The following SLC46A1 variants were observed in gnomAD, a reference collection of about 807,000 sequenced individuals.
The protein encoded by SLC46A1 is solute carrier family 46 member 1.
In SLC46A1, 17 loss-of-function variants were observed where a neutral mutation model predicts 32.1. That is an observed-to-expected ratio of 0.53 (90% CI 0.36 to 0.79). SLC46A1 has a LOEUF of 0.79. SLC46A1 is among the 30% of genes least tolerant of loss of function. The probability of loss-of-function intolerance (pLI) is 0.00; values close to 1 mark genes in which losing one functional copy is unlikely to be tolerated. For synonymous variants in SLC46A1, 240 were observed against 262.7 expected, an observed-to-expected ratio of 0.91 and a Z score of 0.84; for missense variants, 517 against 588.2, an observed-to-expected ratio of 0.88 and a Z score of 1.25.
rs781844965 is a variant in SLC46A1, at chr17:28,399,726, A to G, written c.1323-13T>C. The G allele has an allele frequency of 1.2e-6, 2 of 1,613,670 alleles. No individual in the cohort carries two copies. Among genetic ancestry groups the G allele is most frequent in the Non-Finnish European group, 1.7e-6 (2 of 1,179,646 alleles). On this transcript the variant is annotated splice_polypyrimidine_tract_variant and intron_variant, in intron 4 of 4. Coordinates refer to ENST00000612814, the MANE Select transcript of SLC46A1 (RefSeq NM_080669.6). ...CTTTTCCAGCATCCTGTGAGAGACC[A>G]GAGAGAGAGTTTGGATTTCATGTGG...
At position 28,396,443 on chromosome 17, in the gene SLC46A1, C is replaced by G. The variant is rs1321295162; in HGVS notation, c.*3213G>C. 1 of 820,878 alleles carries G rather than the reference C, an allele frequency of 1.2e-6. No individual in the cohort carries two copies. Among genetic ancestry groups the G allele is most frequent in the Non-Finnish European group, 1.9e-6 (1 of 529,440 alleles). 50.8% of individuals were successfully genotyped at this position (820,878 alleles called of 1,614,324 possible). The stretch of plus-strand genomic sequence containing the variant: ...TGTCCCCCACCCTCATGGCCCACCT[C>G]CAACCCACTTTCCTCAGTATCTGGA... On this transcript the variant is annotated 3_prime_UTR_variant, in exon 5 of 5. Transcript: ENST00000612814.
In SLC46A1 at chr17:28,400,674, A is replaced by G. The variant is rs1337596788; in HGVS notation, c.1258T>C (p.Phe420Leu). ...FNSLYPATLN[F>L]MKGFPFLLGA... ...AGGAGGAAGGGGAACCCCTTCATAA[A>G]GTTCAGAGTGGCTGGGTAGAGTGAG... Residue 420 changes from phenylalanine (F) to leucine (L), a missense_variant, in exon 4 of 5, where the codon TTT (phenylalanine) becomes CTT (leucine). Transcript: ENST00000612814. 4.3e-6 allele frequency: 7 copies of G among 1,613,514 alleles called. No individual in the cohort carries two copies. The African/African-American group carries it at 9.3e-5, about 22-fold the overall frequency.
intron 2 of SLC46A1, chr17:28,403,041 G>A (rs1427063873): frequency 6.6e-6 from 1 of 152,298 alleles, no homozygotes; most frequent in Admixed American, 6.5e-5. Context: ...GCAGAGACTG[G>A]TGATGGCCGC....
At chr17:28,402,615 G>A (rs368811296) in intron 2 of SLC46A1, 1 of 278,782 alleles carries the variant, frequency 3.6e-6, no homozygotes. Context: ...ACTTAGTAGG[G>A]ATATGGCAGG....
chr17:28,405,388 C>G lies in SLC46A1; in HGVS notation c.309G>C (p.Leu103=). 2 of 1,586,208 alleles carry G rather than the reference C, an allele frequency of 1.3e-6. No individual in the cohort carries two copies. Among genetic ancestry groups the G allele is most frequent in the Non-Finnish European group, 1.7e-6 (2 of 1,166,950 alleles). ...GFLVGLFSST[L]LGAWSDSVGR... ...CCACACTGTCGCTCCAAGCTCCCAG[C>G]AGGGTGGACGAGAAGAGCCCCACCA... Residue 103 remains leucine (L), a synonymous_variant, in exon 2 of 5, where the codon CTG becomes CTC. Transcript: ENST00000612814.
chr17:28,405,810 G>T, intron 1 of SLC46A1, 77 bp downstream of exon 1: 5 of 1,422,486 alleles, frequency 3.5e-6, no homozygotes, highest in Non-Finnish European at 3.8e-6. Flanking sequence ...CTACCATTAC[G>T]CAGGCCCCGC....
Position 28,396,405 on chromosome 17 carries a change from C to A in SLC46A1, c.*3251G>T. 1 of 1,197,548 alleles carries A rather than the reference C, an allele frequency of 8.4e-7. No individual in the cohort carries two copies. Among genetic ancestry groups the A allele is most frequent in the Non-Finnish European group, 1.2e-6 (1 of 838,066 alleles). 74.2% of individuals were successfully genotyped at this position (1,197,548 alleles called of 1,614,324 possible). On this transcript the variant is annotated 3_prime_UTR_variant, in exon 5 of 5. Transcript: ENST00000612814. ...AACCTGGGCTCTTCTTAGGAAATGG[C>A]TCTCCCTCCCCCTGTCCCCCACCCT...
intron 1 of SLC46A1, 200 bp downstream of exon 1, chr17:28,405,687 G>A: frequency 1.1e-6 from 1 of 952,340 alleles, no homozygotes; most frequent in Non-Finnish European, 1.5e-6. Flanking sequence ...TAACCTGCAA[G>A]GCCAGACTTT....
rs782680733 is a variant in SLC46A1 at position 28,405,265 on chromosome 17, G to A, written c.432C>T (p.Phe144=). 2 of 1,585,508 alleles carry A rather than the reference G, an allele frequency of 1.3e-6. No homozygotes were observed. The highest frequency in any genetic ancestry group is 2.3e-5 in the East Asian group (1 of 43,084). The stretch of plus-strand genomic sequence containing the variant: ...GGGCACAAAGGATGCGACCCAGCAC[G>A]AAGTAGCCGACGTGGAGCTGCAGCT... ...VVQLQLHVGY[F]VLGRILCALL... The change falls in exon 2 of 5, where the codon TTC becomes TTT. Residue 144 remains phenylalanine (F), a synonymous_variant. Transcript: ENST00000612814.
At position 28,405,478 on chromosome 17, in the gene SLC46A1, C is replaced by T. The variant is rs782720819; in HGVS notation, c.229-10G>A. On this transcript the variant is annotated splice_polypyrimidine_tract_variant and intron_variant, in intron 1 of 4. Transcript: ENST00000612814. ...TAAGGGTCTCCACTTCCTGTAGGGG[C>T]ACAATGACCAGGGTGCGGTTCCTCA... 1 of 1,595,820 alleles carries T rather than the reference C, an allele frequency of 6.3e-7. No homozygotes were observed. Among genetic ancestry groups the T allele is most frequent in the Non-Finnish European group, 8.5e-7 (1 of 1,172,876 alleles).
rs782511472 is a variant in SLC46A1 at position 28,405,336 on chromosome 17, A to G, written c.361T>C (p.Ser121Pro). 1 of 1,591,340 alleles carries G rather than the reference A, an allele frequency of 6.3e-7. No homozygotes were observed. Among genetic ancestry groups the G allele is most frequent in the South Asian group, 1.1e-5 (1 of 87,546 alleles). Reference protein sequence around the residue: ...VGRRPLLVLASLGLLLQALVS... With the variant: ...VGRRPLLVLAPLGLLLQALVS... ...AGGGCCTGGAGCAGCAGGCCCAGCGAGGCCAGCACTAGCAGCGGGCGGCGG... is the reference window on the plus strand; with the variant it reads ...AGGGCCTGGAGCAGCAGGCCCAGCGGGGCCAGCACTAGCAGCGGGCGGCGG... Residue 121 changes from serine to proline, a missense_variant, in exon 2 of 5, where the codon TCG (serine) becomes CCG (proline). By Grantham distance (74) the Ser-to-Pro change is moderately conservative (BLOSUM62 -1). Coordinates refer to ENST00000612814, the MANE Select transcript of SLC46A1 (RefSeq NM_080669.6).
chr17:28,396,171 A>G lies in SLC46A1; in HGVS notation c.*3485T>C. 2.5e-6 allele frequency: 4 copies of G among 1,613,960 alleles called. No homozygotes were observed. The highest frequency in any genetic ancestry group is 3.4e-6 in the Non-Finnish European group (4 of 1,179,858). On this transcript the variant is annotated 3_prime_UTR_variant, in exon 5 of 5. Transcript: ENST00000612814. Reference sequence around the variant, plus strand: ...TGTGCCCACAGGTGGTCCCACGAATACCAGGAGGCCACCATTGAGAAGATC... The same window carrying G: ...TGTGCCCACAGGTGGTCCCACGAATGCCAGGAGGCCACCATTGAGAAGATC...
rs1432033321 is a variant in SLC46A1 at position 28,405,054 on chromosome 17, C to T, written c.643G>A (p.Ala215Thr). Reference sequence around the variant, plus strand: ...GTCATGGCTATCAGCAAGGCCAAGGCCAGCCAGAAGGGGTTGGCATAACCC... The same window carrying T: ...GTCATGGCTATCAGCAAGGCCAAGGTCAGCCAGAAGGGGTTGGCATAACCC... Reference protein sequence around the residue: ...AQGYANPFWLALALLIAMTLY... With the variant: ...AQGYANPFWLTLALLIAMTLY... Residue 215 changes from alanine to threonine, a missense_variant, in exon 2 of 5, where the codon GCC becomes ACC. Ala to Thr is a moderately conservative substitution (Grantham distance 58, BLOSUM62 0). Transcript: ENST00000612814. 4.3e-6 allele frequency: 7 copies of T among 1,614,006 alleles called. No individual in the cohort carries two copies. The highest frequency in any genetic ancestry group is 5.9e-6 in the Non-Finnish European group (7 of 1,179,882).
intron 2 of SLC46A1, 64 bp downstream of exon 2, chr17:28,404,552 G>C: frequency 6.3e-7 from 1 of 1,584,646 alleles, no homozygotes; most frequent in Non-Finnish European, 8.6e-7. Flanking sequence ...GGCAGTGAGT[G>C]GCCGGCCCCC....
intron 3 of SLC46A1, chr17:28,401,115 A>AT (rs1232267689): frequency 3.7e-5 from 13 of 347,352 alleles, no homozygotes; most frequent in African/African-American, 1.9e-4. Flanking sequence ...CTTTGGAATC[A>AT]TCTCCTGTTT....
At chr17:28,400,926 A>C (rs2068189702) in intron 3 of SLC46A1, 160 bp from the exon 4 acceptor site, 1 of 707,086 alleles carries the variant, frequency 1.4e-6, no homozygotes, top group African/African-American at 1.7e-5. Context: ...ACAAGGATTC[A>C]GTAAGGTCAT....
At chr17:28,406,334 C>T (rs41297063), upstream of SLC46A1, 1,115 of 417,024 alleles carry the variant, frequency 2.7e-3, 10 homozygotes, top group African/African-American at 0.022. This position sits in a 1 kb window ranked among gnomAD's most constrained non-coding sequence, Gnocchi z 4.5. Context: ...CCCGGCACCC[C>T]CAGCCCGCGG....
Position 28,405,968 on chromosome 17 carries a change from GT to G in SLC46A1, c.146del (p.His49ProfsTer41). 2 of 1,611,902 alleles carry G rather than the reference GT, an allele frequency of 1.2e-6. No homozygotes were observed. The highest frequency in any genetic ancestry group is 1.7e-6 in the Non-Finnish European group (2 of 1,179,352). On this transcript the variant is annotated frameshift_variant, in exon 1 of 5. Transcript: ENST00000612814. LOFTEE classifies it high-confidence loss of function. ...TGTAGCCGAGGTCGGCGCTGAAGCG[GT>G]GCCACAGATACTGCGTGGTGAGCGG... is the stretch of plus-strand genomic sequence containing the variant. ...QGPLTTQYLW[H>X]RFSADLGYNG...
In SLC46A1 at chr17:28,399,648, C is replaced by T. The variant is rs541930259; in HGVS notation, c.*8G>A. The stretch of plus-strand genomic sequence containing the variant: ...TCCTCTTGCCCTCTGTCTTCTGGTC[C>T]AGGCAGATCAGGGGCTCTGGGGAAA... On this transcript the variant is annotated 3_prime_UTR_variant, in exon 5 of 5. Coordinates refer to ENST00000612814, the MANE Select transcript of SLC46A1 (RefSeq NM_080669.6). 3 of 1,613,986 alleles carry T rather than the reference C, an allele frequency of 1.9e-6. No individual in the cohort carries two copies. Among genetic ancestry groups the T allele is most frequent in the African/African-American group, 1.3e-5 (1 of 75,038 alleles).
Sources: allele counts gnomAD v4.1 joint callset, GRCh38; gene constraint gnomAD v4.1.1; non-coding constraint Gnocchi (gnomAD v3.1); transcripts MANE v1.5; gene names NCBI Gene and HGNC (gene_info 2026-07-23, HGNC 2026-07-21).